MBD5: variants seen among roughly 807,000 people sequenced by gnomAD.
MBD5 encodes the protein methyl-CpG-binding domain protein 5.
A neutral mutation model predicts 117.3 loss-of-function variants in MBD5; 13 were observed. The ratio of observed to expected loss-of-function variants is 0.11; its 90% CI spans 0.07 to 0.18. The LOEUF is 0.18. MBD5 is among the 10% of genes least tolerant of loss of function. The pLI is 1.00. For missense variants in MBD5, 1,879 were observed against 2,093.8 expected (o/e 0.90, Z 2.00); for synonymous variants, 727 against 766.4 (o/e 0.95, Z 0.85).
chr2:148,123,022 T>C (rs1278802720), intron 1 of MBD5, among the ~76,000 whole-genome samples: 1 of 152,176 alleles, frequency 6.6e-6, no homozygotes, highest in Non-Finnish European at 1.5e-5. Context: ...GGTGGGTGGA[T>C]GTAATGAGAG....
intron 3 of MBD5, among the ~76,000 whole-genome samples, chr2:148,255,454 T>C (rs1186403829): frequency 6.6e-6 from 1 of 152,208 alleles, no homozygotes; most frequent in Non-Finnish European, 1.5e-5. Flanking sequence ...CAAGTCATAC[T>C]GTAGGCCTTT....
At chr2:148,313,593 C>A (rs1479420519) in intron 3 of MBD5, among the ~76,000 whole-genome samples, 1 of 152,162 alleles carries the variant, frequency 6.6e-6, no homozygotes, top group East Asian at 1.9e-4. Context: ...GGAGTGGGAT[C>A]CACTGAGCTA....
At position 148,515,621 on chromosome 2, in the gene MBD5, C is replaced by T. The variant is rs1171159058; in HGVS notation, c.*2680C>T. On this transcript the variant is annotated 3_prime_UTR_variant, in exon 14 of 14. Transcript: ENST00000642680. Reference sequence around the variant, plus strand: ...GCCAATTCATTTTTTTAAATGAAGGCTAGGCCTTCTATGTTACCAAAATTT... The same window carrying T: ...GCCAATTCATTTTTTTAAATGAAGGTTAGGCCTTCTATGTTACCAAAATTT... 9 of 152,066 alleles carry T rather than the reference C, an allele frequency of 5.9e-5. No individual in the cohort carries two copies. Among genetic ancestry groups the T allele is most frequent in the Admixed American group, 2.0e-4 (3 of 15,276 alleles). 9.4% of individuals were successfully genotyped at this position (152,066 alleles called of 1,614,324 possible). A position where few individuals can be genotyped will look rare whatever the true frequency, so the allele number is the denominator to read the frequency against.
intron 1 of MBD5, chr2:148,071,833 A>G (rs1020093718): frequency 6.6e-6 from 1 of 152,204 alleles, no homozygotes; most frequent in Admixed American, 6.5e-5. Flanking sequence ...TGAAAATAGA[A>G]TAAGAATTTA....
At chr2:148,334,499 CT>C (rs979651931) in intron 3 of MBD5, among the ~76,000 whole-genome samples, 6 of 151,916 alleles carry the variant, frequency 3.9e-5, no homozygotes, top group Admixed American at 3.3e-4. Flanking sequence ...AGCCTGACTC[CT>C]TTTTTTAATA....
At chr2:148,462,534 T>A (rs1013280400) in intron 5 of MBD5, 48 bp from the exon 6 acceptor site, 9 of 1,161,990 alleles carry the variant, frequency 7.7e-6, no homozygotes, top group Non-Finnish European at 1.0e-5. Context: ...TCATATAATA[T>A]GTGTAGTCAA....
At chr2:148,479,695 C>G (rs1681083949) in intron 8 of MBD5, among the ~76,000 whole-genome samples, 1 of 148,666 alleles carries the variant, frequency 6.7e-6, no homozygotes, top group African/African-American at 2.5e-5. Flanking sequence ...TCATTACCTT[C>G]CATCTACTTT....
chr2:148,344,473 G>A (rs964896389), intron 4 of MBD5, among the ~76,000 whole-genome samples: 2 of 151,850 alleles, frequency 1.3e-5, no homozygotes, highest in African/African-American at 4.8e-5. Flanking sequence ...TCATTTGTTT[G>A]TGTCGTCTGT....
intron 7 of MBD5, among the ~76,000 whole-genome samples, chr2:148,464,962 T>C (rs1707214067): frequency 2.0e-5 from 3 of 151,320 alleles, no homozygotes; most frequent in Admixed American, 1.3e-4. Context: ...AGAGCAAAAC[T>C]CTGTCTTGAT....
intron 4 of MBD5, among the ~76,000 whole-genome samples, chr2:148,344,199 C>A (rs1703025451): frequency 6.6e-6 from 1 of 151,988 alleles, no homozygotes; most frequent in Non-Finnish European, 1.5e-5. Context: ...CAGTACCATG[C>A]TCTTTTAGTT....
chr2:148,057,042 A>T (rs777534595), intron 1 of MBD5, among the ~76,000 whole-genome samples: 1 of 151,750 alleles, frequency 6.6e-6, no homozygotes, highest in Non-Finnish European at 1.5e-5. Flanking sequence ...TGTTTAATGT[A>T]TGCATTATTT....
At chr2:148,413,849 ATCTTTTT>A (rs1423010976) in intron 4 of MBD5, among the ~76,000 whole-genome samples, 5 of 147,880 alleles carry the variant, frequency 3.4e-5, no homozygotes, top group Non-Finnish European at 7.5e-5. Context: ...GTTTATTTGA[ATCTTTTT>A]TCTTTTTTCT....
At chr2:148,137,960 T>G (rs1468290565) in intron 1 of MBD5, among the ~76,000 whole-genome samples, 1 of 152,212 alleles carries the variant, frequency 6.6e-6, no homozygotes, top group East Asian at 1.9e-4. Context: ...GATGTTTGCA[T>G]GATGACGGAA....
intron 11 of MBD5, among the ~76,000 whole-genome samples, chr2:148,498,128 A>G (rs1681758648): frequency 6.6e-6 from 1 of 152,232 alleles, no homozygotes; most frequent in African/African-American, 2.4e-5. Flanking sequence ...ATGGGGAAGT[A>G]AAGACTGAAA....
At chr2:148,161,384 T>C (rs774966537) in intron 1 of MBD5, among the ~76,000 whole-genome samples, 11 of 152,252 alleles carry the variant, frequency 7.2e-5, no homozygotes, top group Middle Eastern at 3.4e-3. Flanking sequence ...GCCCTCCTGG[T>C]CAGCATCTTT....
At chr2:148,435,408 T>A (rs867532483) in intron 4 of MBD5, among the ~76,000 whole-genome samples, 1 of 152,150 alleles carries the variant, frequency 6.6e-6, no homozygotes, top group East Asian at 1.9e-4. Flanking sequence ...CCTTACCATA[T>A]TGAGGGACCT....
rs141308854 is a variant in MBD5, at chr2:148,485,399, A to G, written c.3545-343A>G. ...CTAAAACATTATAGGACTAATTTCA[A>G]CCTTTAATTTTAGGTGCTCTAAAAT... is the stretch of plus-strand genomic sequence containing the variant. On this transcript the variant is annotated intron_variant, in intron 9 of 13. Coordinates refer to ENST00000642680, the MANE Select transcript of MBD5 (RefSeq NM_001378120.1). 190 of 246,628 alleles carry G rather than the reference A, an allele frequency of 7.7e-4. 1 individual carries two copies. The East Asian group carries it at 0.016, about 21-fold the overall frequency. The allele number at this position is 246,628 out of a possible 1,614,324, so 15.3% of individuals were successfully genotyped here. A position where few individuals can be genotyped will look rare whatever the true frequency, so the allele number is the denominator to read the frequency against.
chr2:148,423,950 A>C (rs1295713411), intron 4 of MBD5, among the ~76,000 whole-genome samples: 1 of 151,974 alleles, frequency 6.6e-6, no homozygotes, highest in African/African-American at 2.4e-5. Flanking sequence ...AGGCTGAGGC[A>C]GGCAGATCAC....
chr2:148,065,144 C>A (rs1695151409), intron 1 of MBD5, among the ~76,000 whole-genome samples: 1 of 152,034 alleles, frequency 6.6e-6, no homozygotes, highest in Non-Finnish European at 1.5e-5. Flanking sequence ...CGACTTTATC[C>A]ACAGTCTTAA....
Sources: allele counts gnomAD v4.1 joint callset (sites outside exome capture counted in the v4.1 genomes callset), GRCh38; gene constraint gnomAD v4.1.1; transcripts MANE v1.5; gene names NCBI Gene and HGNC (gene_info 2026-07-23, HGNC 2026-07-21).